Variants in CWC15 observed in about 807,000 individuals in gnomAD.
CWC15 encodes the protein CWC15 spliceosome associated protein.
A neutral mutation model predicts 28.4 loss-of-function variants in CWC15; 12 were observed. The observed-to-expected ratio is 0.42, with a 90% CI of 0.27 to 0.69. CWC15 has a LOEUF of 0.69. Ranked by LOEUF, CWC15 falls within the 30% of genes least tolerant of loss-of-function variation. The pLI, the probability that CWC15 is intolerant of heterozygous loss-of-function variation, is 0.23. For synonymous variants in CWC15, 92 were observed against 88.4 expected (o/e 1.04, Z -0.23); for missense variants, 192 against 271.5 (o/e 0.71, Z 2.06).
At chr11:94,969,248 T>G (rs993626881) in intron 5 of CWC15, among the ~76,000 whole-genome samples, 2 of 152,214 alleles carry the variant, frequency 1.3e-5, no homozygotes, top group Non-Finnish European at 2.9e-5. Flanking sequence ...AAGAGTCTCT[T>G]AATTGGGAGG....
intron 6 of CWC15, 69 bp downstream of exon 6, chr11:94,966,226 T>TACAC (rs58215154): frequency 0.056 from 37,088 of 664,416 alleles, 404 homozygotes; most frequent in Middle Eastern, 0.074. Context: ...CATACACATA[T>TACAC]ACACACACAC....
rs144764305 is a variant in CWC15, at chr11:94,963,089, T to C, written c.*296A>G. Reference sequence around the variant, plus strand: ...TGGAATGTATTACTAGCAGCATAAATTCCAACAAAAAGTTGGGCACCCAGA... The same window carrying C: ...TGGAATGTATTACTAGCAGCATAAACTCCAACAAAAAGTTGGGCACCCAGA... On this transcript the variant is annotated 3_prime_UTR_variant, in exon 7 of 7. Transcript: ENST00000279839. The C allele has an allele frequency of 2.7e-3, 564 of 211,110 alleles. 7 individuals are homozygous for C. Among genetic ancestry groups the C allele is most frequent in the African/African-American group, 0.012 (521 of 43,798 alleles). 13.1% of individuals were successfully genotyped at this position (211,110 alleles called of 1,614,324 possible). A position where few individuals can be genotyped will look rare whatever the true frequency, so the allele number is the denominator to read the frequency against.
At position 94,970,077 on chromosome 11, in the gene CWC15, T is replaced by G. The variant is rs1555095939; in HGVS notation, c.353A>C (p.Glu118Ala). 6.5e-7 allele frequency: 1 copy of G among 1,531,190 alleles called. No homozygotes were observed. The highest frequency in any genetic ancestry group is 2.3e-5 in the East Asian group (1 of 42,952). 94.9% of individuals were successfully genotyped at this position (1,531,190 alleles called of 1,614,324 possible). The change falls in exon 5 of 7, where the codon GAA becomes GCA. Residue 118 changes from glutamate (E) to alanine (A), a missense_variant. By Grantham distance (107) the Glu-to-Ala change is moderately radical. Transcript: ENST00000279839. ...PLTDEEDEDF[E>A]EESDDDDTAA... ...AGTATCATCATCATCACTTTCTTCTTCAAAATCTTCATCTTCCTCCTAAAA... is the reference window on the plus strand; with the variant it reads ...AGTATCATCATCATCACTTTCTTCTGCAAAATCTTCATCTTCCTCCTAAAA...
intron 3 of CWC15, 144 bp downstream of exon 3, chr11:94,971,231 T>C: frequency 1.1e-6 from 1 of 925,018 alleles, no homozygotes; most frequent in African/African-American, 1.7e-5. Flanking sequence ...TTTGTTGTTA[T>C]TATCTCTAAT....
At chr11:94,973,162 G>A (rs1555096499) in intron 1 of CWC15, 2 of 152,382 alleles carry the variant, frequency 1.3e-5, no homozygotes, top group Admixed American at 6.5e-5. Flanking sequence ...CACACCCACG[G>A]AATTATCACT....
intron 6 of CWC15, 53 bp downstream of exon 6, chr11:94,966,226 TACACACACACACACAC>T (rs58215154): frequency 2.8e-4 from 190 of 670,698 alleles, no homozygotes; most frequent in African/African-American, 1.0e-3. Context: ...CATACACATA[TACACACACACACACAC>T]ACACACACAC....
intron 5 of CWC15, among the ~76,000 whole-genome samples, chr11:94,967,445 G>C (rs1857661736): frequency 6.6e-6 from 1 of 152,046 alleles, no homozygotes; most frequent in African/African-American, 2.4e-5. Context: ...TCAGAATGTG[G>C]AATATAAAAT....
Position 94,972,308 on chromosome 11 carries a change from G to A in CWC15, c.-8-115C>T, listed in dbSNP as rs78946751. The A allele has an allele frequency of 4.3e-3, 4,365 of 1,016,456 alleles. 66 individuals are homozygous for A. The highest frequency in any genetic ancestry group is 0.035 in the South Asian group (2,057 of 58,422). 63.0% of individuals were successfully genotyped at this position (1,016,456 alleles called of 1,614,324 possible). On this transcript the variant is annotated intron_variant, in intron 1 of 6. Coordinates refer to ENST00000279839, the MANE Select transcript of CWC15 (RefSeq NM_016403.4). ...TTCTAAAACTCATTCCCCAAAACCT[G>A]CTTAATCTTCTTAAACAAAAGTTTT...
chr11:94,972,462 AG>A (rs1857736354), intron 1 of CWC15, among the ~76,000 whole-genome samples: 1 of 152,162 alleles, frequency 6.6e-6, no homozygotes, highest in Non-Finnish European at 1.5e-5. Context: ...TATGGGCTTG[AG>A]CAAGTCACCT....
chr11:94,965,640 T>C (rs1446616382), intron 6 of CWC15, among the ~76,000 whole-genome samples: 1 of 152,236 alleles, frequency 6.6e-6, no homozygotes, highest in Non-Finnish European at 1.5e-5. Flanking sequence ...GACTTTGGTA[T>C]GTGCTAAGCA....
intron 5 of CWC15, among the ~76,000 whole-genome samples, chr11:94,968,023 G>A (rs1281044665): frequency 6.6e-6 from 1 of 152,088 alleles, no homozygotes; most frequent in African/African-American, 2.4e-5. Flanking sequence ...CAGAGCACTA[G>A]GAAAAAAGGC....
intron 5 of CWC15, among the ~76,000 whole-genome samples, chr11:94,969,179 T>C (rs782232211): frequency 2.0e-5 from 3 of 152,196 alleles, no homozygotes; most frequent in Non-Finnish European, 4.4e-5. Context: ...ACCTCCTTGA[T>C]AATCAGCTTT....
chr11:94,973,055 G>GGC (rs1394515283), intron 1 of CWC15, among the ~76,000 whole-genome samples: 1 of 150,986 alleles, frequency 6.6e-6, no homozygotes, highest in Admixed American at 6.6e-5. Context: ...TTTGGGGGGG[G>GGC]GGCGATGCTA....
Position 94,968,716 on chromosome 11 carries a change from G to C in CWC15, c.441+1273C>G, listed in dbSNP as rs587707006. On this transcript the variant is annotated intron_variant, in intron 5 of 6. Coordinates refer to ENST00000279839, the MANE Select transcript of CWC15 (RefSeq NM_016403.4). Reference sequence around the variant, plus strand: ...TGAAATGCTTTTCTTCTTCCAATCTGAATTCTAAGTCTTCAAAGTCTATCC... The same window carrying C: ...TGAAATGCTTTTCTTCTTCCAATCTCAATTCTAAGTCTTCAAAGTCTATCC... 2.0e-5 allele frequency among the ~76,000 whole-genome samples: 3 copies of C among 152,272 alleles called. No homozygotes were observed. In the East Asian group the frequency reaches 5.8e-4, roughly 29 times the overall value.
rs1555094650 is a variant in CWC15 at position 94,963,200 on chromosome 11, A to G, written c.*185T>C. 7.6e-6 allele frequency: 3 copies of G among 394,368 alleles called. No homozygotes were observed. Among genetic ancestry groups the G allele is most frequent in the African/African-American group, 6.2e-5 (3 of 48,228 alleles). The allele number at this position is 394,368 out of a possible 1,614,324, so 24.4% of individuals were successfully genotyped here. ...ATCACTGGAAACATTTGGAGAATGC[A>G]AACTGGGTTAAACCTATTCCCAAGT... On this transcript the variant is annotated 3_prime_UTR_variant, in exon 7 of 7. Coordinates refer to ENST00000279839, the MANE Select transcript of CWC15 (RefSeq NM_016403.4).
At chr11:94,969,892 G>C in intron 5 of CWC15, 97 bp downstream of exon 5, 1 of 613,058 alleles carries the variant, frequency 1.6e-6, no homozygotes, top group Non-Finnish European at 2.6e-6. Flanking sequence ...CGGTAAAGGA[G>C]ATTTCTAATA....
chr11:94,967,732 A>G (rs587724107), intron 5 of CWC15, among the ~76,000 whole-genome samples: 1 of 152,356 alleles, frequency 6.6e-6, no homozygotes, highest in African/African-American at 2.4e-5. Flanking sequence ...AGGTGAAAAG[A>G]TCTAACTTGT....
chr11:94,971,619 G>T (rs1458156401), intron 2 of CWC15, 132 bp from the exon 3 acceptor site: 1 of 598,120 alleles, frequency 1.7e-6, no homozygotes, highest in Non-Finnish European at 2.9e-6. Flanking sequence ...AAGTAGACAA[G>T]ATCATAATTT....
intron 6 of CWC15, among the ~76,000 whole-genome samples, chr11:94,966,042 C>T (rs887077220): frequency 6.6e-6 from 1 of 152,184 alleles, no homozygotes; most frequent in Non-Finnish European, 1.5e-5. Context: ...ATCTAGTACA[C>T]AGCTGGTTAT....
Sources: allele counts gnomAD v4.1 joint callset (sites outside exome capture counted in the v4.1 genomes callset), GRCh38; gene constraint gnomAD v4.1.1; transcripts MANE v1.5; gene names NCBI Gene and HGNC (gene_info 2026-07-23, HGNC 2026-07-21).